Variants in RASGRF2 observed in about 807,000 individuals in gnomAD.
The protein encoded by RASGRF2 is ras-specific guanine nucleotide-releasing factor 2.
RASGRF2 carries 76 observed loss-of-function variants against 151.0 expected under a neutral mutation model. The observed-to-expected ratio is 0.50, with a 90% CI of 0.42 to 0.61. The LOEUF (loss-of-function observed/expected upper bound fraction) is 0.61, where lower values mean the gene tolerates loss of function less well. Ranked by LOEUF, RASGRF2 falls within the 20% of genes least tolerant of loss-of-function variation. The pLI, the probability that RASGRF2 is intolerant of heterozygous loss-of-function variation, is 0.00. For synonymous variants in RASGRF2, 504 were observed against 566.5 expected, an observed-to-expected ratio of 0.89 and a Z score of 1.57; for missense variants, 1,148 against 1,564.6, an observed-to-expected ratio of 0.73 and a Z score of 4.49.
At chr5:81,141,471 G>T (rs1753884072) in intron 17 of RASGRF2, among the ~76,000 whole-genome samples, 1 of 152,134 alleles carries the variant, frequency 6.6e-6, no homozygotes, top group African/African-American at 2.4e-5. Context: ...ATCTGGAGTG[G>T]TGAAGGGTCT....
At chr5:80,974,520 G>A (rs962377481) in intron 1 of RASGRF2, among the ~76,000 whole-genome samples, 1 of 152,180 alleles carries the variant, frequency 6.6e-6, no homozygotes, top group African/African-American at 2.4e-5. Context: ...AGTGTCTTTG[G>A]TTCAGATATT....
At chr5:80,968,260 A>G (rs917538970) in intron 1 of RASGRF2, among the ~76,000 whole-genome samples, 19 of 152,360 alleles carry the variant, frequency 1.2e-4, no homozygotes, top group Admixed American at 2.6e-4. Flanking sequence ...TAACACACAC[A>G]AAATAGAATA....
chr5:81,201,540 T>G, intron 19 of RASGRF2, 98 bp downstream of exon 19: 1 of 1,290,932 alleles, frequency 7.7e-7, no homozygotes, highest in Non-Finnish European at 1.1e-6. Context: ...CTGGGGACAG[T>G]GGGGACTATG....
chr5:81,143,072 G>C (rs1222080393), intron 17 of RASGRF2, among the ~76,000 whole-genome samples: 2 of 152,198 alleles, frequency 1.3e-5, no homozygotes, highest in Non-Finnish European at 2.9e-5. Flanking sequence ...CTTAGGCTGG[G>C]AAAGACCAAT....
At chr5:81,084,180 C>A (rs1239456830) in intron 7 of RASGRF2, among the ~76,000 whole-genome samples, 1 of 152,166 alleles carries the variant, frequency 6.6e-6, no homozygotes, top group Non-Finnish European at 1.5e-5. Flanking sequence ...AGAGTATTGA[C>A]CAAACTCAGT....
intron 12 of RASGRF2, among the ~76,000 whole-genome samples, chr5:81,102,059 A>T (rs1561205472): frequency 1.3e-5 from 2 of 152,324 alleles, no homozygotes; most frequent in Middle Eastern, 3.4e-3. Context: ...AAATTAAAAA[A>T]TTTTAATGCG....
At chr5:81,102,022 A>G in intron 12 of RASGRF2, among the ~76,000 whole-genome samples, 1 of 152,252 alleles carries the variant, frequency 6.6e-6, no homozygotes, top group East Asian at 1.9e-4. Context: ...CTATAAAAAC[A>G]GAAATGTTTA....
chr5:81,209,293 C>T lies in RASGRF2; in HGVS notation c.3156+855C>T, dbSNP rs144095185. ...ATTGGGAGATGCTTTTATACCTCCC[C>T]GCTCTTCCTTAGTGCTGTTCTCATA... is the stretch of plus-strand genomic sequence containing the variant. On this transcript the variant is annotated intron_variant, in intron 22 of 26. Transcript: ENST00000265080. 4.6e-3 allele frequency among the ~76,000 whole-genome samples: 702 copies of T among 152,222 alleles called. 5 individuals carry two copies. The highest frequency in any genetic ancestry group is 0.015 in the African/African-American group (618 of 41,512).
At position 81,112,593 on chromosome 5, in the gene RASGRF2, C is replaced by T. The variant is rs766311594; in HGVS notation, c.1839-17C>T. 47 of 1,613,552 alleles carry T rather than the reference C, an allele frequency of 2.9e-5. No homozygotes were observed. Among genetic ancestry groups the T allele is most frequent in the Non-Finnish European group, 3.8e-5 (45 of 1,179,644 alleles). On this transcript the variant is annotated splice_polypyrimidine_tract_variant and intron_variant, in intron 13 of 26. Coordinates refer to ENST00000265080, the MANE Select transcript of RASGRF2 (RefSeq NM_006909.3). ...CTCCTCCTGGTTTTACCATCATGTT[C>T]CTGCCTTTGCACGTAGGTCTGATGC...
rs1192597751 is a variant in RASGRF2, at chr5:81,054,314, G to A, written c.395+11331G>A. Among the ~76,000 whole-genome samples the A allele has an allele frequency of 3.3e-5, 5 of 151,784 alleles. No homozygotes were observed. The South Asian group carries it at 1.0e-3, about 32-fold the overall frequency. On this transcript the variant is annotated intron_variant, in intron 2 of 26. Transcript: ENST00000265080. ...AATTAATTTTTGTATAAGGTGTAAG[G>A]AAGGGATCCAGTTTCAGCTTTCCAC...
rs1008088831 is a variant in RASGRF2 at position 81,094,713 on chromosome 5, C to G, written c.1619-143C>G. ...CTTATGAGCTTAATAAAGCCCTCTT[C>G]ATGCCTGAGAAGTACGATATTGCTG... On this transcript the variant is annotated intron_variant, in intron 11 of 26. Transcript: ENST00000265080. The G allele has an allele frequency of 4.6e-6, 4 of 873,182 alleles. No homozygotes were observed. The African/African-American group carries it at 6.9e-5, about 15-fold the overall frequency. The allele number at this position is 873,182 out of a possible 1,614,324, so 54.1% of individuals were successfully genotyped here.
chr5:81,215,033 A>C (rs114394216), intron 23 of RASGRF2, among the ~76,000 whole-genome samples: 2,985 of 152,016 alleles, frequency 0.02, 93 homozygotes, highest in African/African-American at 0.069. Flanking sequence ...CTGACATGAG[A>C]CCTCTCCTTT....
intron 1 of RASGRF2, among the ~76,000 whole-genome samples, chr5:81,037,607 C>G (rs1290459596): frequency 1.3e-5 from 2 of 152,118 alleles, no homozygotes; most frequent in African/African-American, 4.8e-5. Flanking sequence ...TATTTGTGTA[C>G]TTTCACTCAA....
intron 2 of RASGRF2, among the ~76,000 whole-genome samples, chr5:81,064,149 A>G (rs457638): frequency 0.18 from 27,705 of 152,110 alleles, 2,662 homozygotes; most frequent in Admixed American, 0.27. Flanking sequence ...ACAACTGGGG[A>G]AGGATCCACT....
At chr5:81,053,037 A>G (rs1751064471) in intron 2 of RASGRF2, among the ~76,000 whole-genome samples, 1 of 152,166 alleles carries the variant, frequency 6.6e-6, no homozygotes, top group South Asian at 2.1e-4. Flanking sequence ...TACATTAAAC[A>G]AATATTAAGA....
rs1754382562 is a variant in RASGRF2, at chr5:81,161,475, A to G, written c.2687-18700A>G. Among the ~76,000 whole-genome samples, 3 of 152,292 alleles carry G rather than the reference A, an allele frequency of 2.0e-5. No homozygotes were observed. The South Asian group carries it at 6.2e-4, about 32-fold the overall frequency. ...TTGAAAGAAAATAGCCTTTTTCATC[A>G]TCTGGGCTGATGATGGAGAATAAGC... On this transcript the variant is annotated intron_variant, in intron 17 of 26. Coordinates refer to ENST00000265080, the MANE Select transcript of RASGRF2 (RefSeq NM_006909.3).
At chr5:81,046,602 G>A (rs1475118898) in intron 2 of RASGRF2, among the ~76,000 whole-genome samples, 1 of 152,000 alleles carries the variant, frequency 6.6e-6, no homozygotes, top group Non-Finnish European at 1.5e-5. Context: ...TGAGGCCAGA[G>A]CCTTTTCATA....
At chr5:80,961,834 C>G (rs1747569322) in intron 1 of RASGRF2, among the ~76,000 whole-genome samples, 1 of 152,036 alleles carries the variant, frequency 6.6e-6, no homozygotes, top group South Asian at 2.1e-4. Context: ...TGATCCCAGC[C>G]CCTCATTCCT....
intron 13 of RASGRF2, among the ~76,000 whole-genome samples, chr5:81,111,502 T>C (rs1419153555): frequency 2.0e-5 from 3 of 152,158 alleles, no homozygotes; most frequent in Non-Finnish European, 4.4e-5. Flanking sequence ...GTGAAGACAT[T>C]TTTAATACCA....
Sources: gnomAD v4.1 joint callset for allele counts (sites outside exome capture counted in the v4.1 genomes callset) on GRCh38, gnomAD v4.1.1 for gene constraint, MANE v1.5 for transcripts, NCBI Gene and HGNC (gene_info 2026-07-23, HGNC 2026-07-21) for gene names.